The following PAM variants were observed in gnomAD, a reference collection of about 807,000 sequenced individuals.
PAM encodes peptidyl-glycine alpha-amidating monooxygenase.
In PAM, 72 loss-of-function variants were observed where a neutral mutation model predicts 122.1. The observed-to-expected ratio is 0.59, with a 90% CI of 0.49 to 0.72. The LOEUF (loss-of-function observed/expected upper bound fraction) is 0.72, where lower values mean the gene tolerates loss of function less well. PAM is among the 30% of genes least tolerant of loss of function. The pLI is 0.00. For synonymous variants in PAM, 389 were observed against 404.4 expected, an observed-to-expected ratio of 0.96 and a Z score of 0.46; for missense variants, 1,106 against 1,183.7, an observed-to-expected ratio of 0.93 and a Z score of 0.96.
intron 20 of PAM, among the ~76,000 whole-genome samples, chr5:103,009,483 A>G (rs775287290): frequency 2.8e-4 from 42 of 152,084 alleles, no homozygotes; most frequent in Non-Finnish European, 4.7e-4. Flanking sequence ...ATCAATATCT[A>G]TGTATTTCTG....
In PAM at chr5:102,882,052, AATATATATATATATATATAT is replaced by A. The variant is rs61367764; in HGVS notation, c.210+14699_210+14718del. ...GTGGCTGAGTAGTATTCCATCGTGG[AATATATATATATATATATAT>A]ATATATATATATATATATATATATA... On this transcript the variant is annotated intron_variant, in intron 3 of 25. Coordinates refer to ENST00000438793, the MANE Select transcript of PAM (RefSeq NM_001177306.2). 7.0e-3 allele frequency among the ~76,000 whole-genome samples: 433 copies of A among 61,994 alleles called. 9 individuals carry two copies. The highest frequency in any genetic ancestry group is 0.015 in the South Asian group (18 of 1,220). 40.7% of individuals were successfully genotyped at this position (61,994 alleles called of 152,430 possible).
chr5:103,025,273 G>A lies in PAM; in HGVS notation c.2628G>A (p.Pro876=), dbSNP rs775484393. 7.4e-6 allele frequency: 12 copies of A among 1,613,660 alleles called. No individual in the cohort carries two copies. The highest frequency in any genetic ancestry group is 2.2e-5 in the East Asian group (1 of 44,892). ...VVLITTLLVI[P]VVVLLAIAIF... Reference sequence around the variant, plus strand: ...TCATTACAACCCTTCTGGTTATTCCGGTGGTTGTCCTGCTGGCCATTGCCA... The same window carrying A: ...TCATTACAACCCTTCTGGTTATTCCAGTGGTTGTCCTGCTGGCCATTGCCA... The change falls in exon 24 of 26, where the codon CCG becomes CCA. Residue 876 remains proline (P), a synonymous_variant. Coordinates refer to ENST00000438793, the MANE Select transcript of PAM (RefSeq NM_001177306.2).
At chr5:103,002,666 C>A (rs1010968494) in intron 16 of PAM, among the ~76,000 whole-genome samples, 5 of 152,120 alleles carry the variant, frequency 3.3e-5, no homozygotes, top group African/African-American at 1.2e-4. Flanking sequence ...TGAATGACTG[C>A]ATACTCTTTT....
chr5:102,973,695 T>C (rs1667717426), intron 14 of PAM, among the ~76,000 whole-genome samples: 1 of 152,186 alleles, frequency 6.6e-6, no homozygotes, highest in African/African-American at 2.4e-5. Flanking sequence ...TCATTTCTTG[T>C]GGCTTGCACT....
At chr5:103,003,306 T>C (rs1777965064) in intron 17 of PAM, among the ~76,000 whole-genome samples, 157 bp downstream of exon 17, 1 of 152,226 alleles carries the variant, frequency 6.6e-6, no homozygotes, top group Admixed American at 6.5e-5. Context: ...CATAGGTGTT[T>C]CTAAATCTTG....
intron 14 of PAM, among the ~76,000 whole-genome samples, chr5:102,971,263 C>A (rs1765742446): frequency 6.6e-6 from 1 of 152,178 alleles, no homozygotes; most frequent in Admixed American, 6.5e-5. Flanking sequence ...AATTTAGTGA[C>A]ACCTACTTTA....
intron 21 of PAM, among the ~76,000 whole-genome samples, chr5:103,010,994 A>C (rs1165835392): frequency 6.6e-6 from 1 of 152,142 alleles, no homozygotes; most frequent in East Asian, 1.9e-4. Context: ...GTATAGTCAC[A>C]CTGTTGTGCT....
intron 12 of PAM, among the ~76,000 whole-genome samples, chr5:102,955,003 G>A (rs1053308101): frequency 6.6e-6 from 1 of 151,928 alleles, no homozygotes; most frequent in Non-Finnish European, 1.5e-5. Flanking sequence ...TACATTTAAA[G>A]GCACCACGAA....
intron 1 of PAM, among the ~76,000 whole-genome samples, chr5:102,758,098 T>C (rs1751141552): frequency 9.4e-6 from 1 of 106,340 alleles, no homozygotes; most frequent in Non-Finnish European, 1.9e-5. Flanking sequence ...TTTTTTTTTT[T>C]TTTTTTTTTT....
At chr5:102,828,377 A>G (rs1431541717) in intron 1 of PAM, among the ~76,000 whole-genome samples, 1 of 151,766 alleles carries the variant, frequency 6.6e-6, no homozygotes, top group Non-Finnish European at 1.5e-5. Context: ...TTCATATCCT[A>G]TTCTTCTTGG....
At chr5:102,969,086 C>CG (rs1451959415) in intron 14 of PAM, among the ~76,000 whole-genome samples, 1 of 148,968 alleles carries the variant, frequency 6.7e-6, no homozygotes, top group Non-Finnish European at 1.5e-5. Flanking sequence ...CAGTGCCTGT[C>CG]GGGGGGTAGG....
chr5:102,903,482 C>A (rs890942649), intron 4 of PAM, among the ~76,000 whole-genome samples: 1 of 151,510 alleles, frequency 6.6e-6, no homozygotes, highest in Admixed American at 6.6e-5. Context: ...TAGATAGTCT[C>A]ATTTCATAGC....
chr5:102,971,712 C>T (rs981928564), intron 14 of PAM, among the ~76,000 whole-genome samples: 2 of 152,106 alleles, frequency 1.3e-5, no homozygotes, highest in Middle Eastern at 3.2e-3. Context: ...GGGTCAGGAC[C>T]ACCAACTTGC....
At chr5:102,923,910 T>C (rs1308336511) in intron 5 of PAM, among the ~76,000 whole-genome samples, 2 of 152,196 alleles carry the variant, frequency 1.3e-5, no homozygotes, top group Admixed American at 1.3e-4. Context: ...TTTTGTTAAA[T>C]AATGCATTGC....
intron 1 of PAM, among the ~76,000 whole-genome samples, chr5:102,845,858 G>A (rs1779819632): frequency 6.6e-6 from 1 of 152,166 alleles, no homozygotes; most frequent in Admixed American, 6.5e-5. Flanking sequence ...GAGAACTGGG[G>A]AAATGAAGTG....
intron 18 of PAM, 96 bp downstream of exon 18, chr5:103,005,322 T>G: frequency 1.3e-6 from 1 of 759,638 alleles, no homozygotes; most frequent in East Asian, 2.5e-5. Context: ...TGTTTGTTTT[T>G]TCTTCTGTCA....
At chr5:103,022,977 G>A (rs1479618835) in intron 23 of PAM, among the ~76,000 whole-genome samples, 1 of 152,048 alleles carries the variant, frequency 6.6e-6, no homozygotes, top group East Asian at 1.9e-4. Context: ...TTTTAAAAAT[G>A]TAGAGCATCT....
At position 102,883,395 on chromosome 5, in the gene PAM, G is replaced by T. The variant is rs183419554; in HGVS notation, c.210+16002G>T. Among the ~76,000 whole-genome samples, 673 of 152,106 alleles carry T rather than the reference G, an allele frequency of 4.4e-3. 3 individuals carry two copies. Among genetic ancestry groups the T allele is most frequent in the African/African-American group, 0.016 (650 of 41,528 alleles). ...GTGTCACCTATGATTTCTTTCAGCA[G>T]TGTTTTGTAGTTTTACTTGTAGAGG... On this transcript the variant is annotated intron_variant, in intron 3 of 25. Transcript: ENST00000438793.
At chr5:102,862,039 GTA>G (rs1784326964) in intron 1 of PAM, among the ~76,000 whole-genome samples, 1 of 151,890 alleles carries the variant, frequency 6.6e-6, no homozygotes, top group South Asian at 2.1e-4. Flanking sequence ...ACATGGTGGT[GTA>G]TGTCTGTAGT....
Sources: allele counts gnomAD v4.1 joint callset (sites outside exome capture counted in the v4.1 genomes callset), GRCh38; gene constraint gnomAD v4.1.1; transcripts MANE v1.5; gene names NCBI Gene and HGNC (gene_info 2026-07-23, HGNC 2026-07-21).